The following SMUG1 variants were observed in gnomAD, a reference collection of about 807,000 sequenced individuals.
SMUG1 encodes single-strand selective monofunctional uracil DNA glycosylase.
SMUG1 carries 13 observed loss-of-function variants against 23.9 expected under a neutral mutation model. The observed-to-expected ratio is 0.54, with a 90% CI of 0.35 to 0.86. The LOEUF is 0.86. Among genes scored for constraint, SMUG1 ranks in the 40% least tolerant of loss-of-function variants. The probability of loss-of-function intolerance (pLI) is 0.01; values close to 1 mark genes in which losing one functional copy is unlikely to be tolerated. For missense variants in SMUG1, 313 were observed against 339.5 expected (o/e 0.92, Z 0.61); for synonymous variants, 133 against 139.8 (o/e 0.95, Z 0.34).
chr12:54,164,562 CT>C (rs1940380922), downstream of SMUG1: 1 of 152,558 alleles, frequency 6.6e-6, no homozygotes, highest in Admixed American at 6.5e-5. Context: ...TGGCTTCCCC[CT>C]GGCCTCCCTC....
chr12:54,175,595 T>C (rs963002531), downstream of SMUG1, among the ~76,000 whole-genome samples: 3 of 152,126 alleles, frequency 2.0e-5, no homozygotes, highest in African/African-American at 7.2e-5. Context: ...CACACACACC[T>C]CCTCCCCAGA....
intron 2 of SMUG1, among the ~76,000 whole-genome samples, chr12:54,186,576 A>G (rs968232902): frequency 6.6e-6 from 1 of 151,772 alleles, no homozygotes; most frequent in African/African-American, 2.4e-5. Flanking sequence ...TCCTGACCTC[A>G]TGATCTGCCT....
chr12:54,184,129 T>C, intron 2 of SMUG1, 170 bp from the exon 3 acceptor site: 1 of 496,816 alleles, frequency 2.0e-6, no homozygotes, highest in Non-Finnish European at 3.5e-6. Context: ...CAGTTCTTGG[T>C]AATGAAGGGC....
chr12:54,174,609 C>T (rs1349142359), intron 2 of SMUG1, among the ~76,000 whole-genome samples: 2 of 152,182 alleles, frequency 1.3e-5, no homozygotes, highest in African/African-American at 2.4e-5. Flanking sequence ...TCCTAACCAG[C>T]GGACAGGAAA....
Position 54,171,823 on chromosome 12 carries a change from T to C in SMUG1, c.*52+202A>G, listed in dbSNP as rs115919940. Among the ~76,000 whole-genome samples the C allele has an allele frequency of 4.5e-3, 679 of 152,226 alleles. 8 individuals carry two copies. The highest frequency in any genetic ancestry group is 0.016 in the African/African-American group (649 of 41,562). On this transcript the variant is annotated intron_variant and NMD_transcript_variant, in intron 3 of 4. Transcript: ENST00000509864. Reference sequence around the variant, plus strand: ...CTACTCCCAAAACCAGCTCCTCCTGTGGTATTTCCCCATATCAGTTGATGG... The same window carrying C: ...CTACTCCCAAAACCAGCTCCTCCTGCGGTATTTCCCCATATCAGTTGATGG...
intron 3 of SMUG1, chr12:54,182,829 C>T: frequency 9.5e-7 from 1 of 1,052,916 alleles, no homozygotes. Flanking sequence ...GAACCGTGGT[C>T]CAGAAGAATT....
chr12:54,170,254 C>T (rs371310377), intron 3 of SMUG1, among the ~76,000 whole-genome samples: 1 of 151,920 alleles, frequency 6.6e-6, no homozygotes, highest in Non-Finnish European at 1.5e-5. Flanking sequence ...GTTTCCCTAG[C>T]GGCAAAGCAG....
At chr12:54,180,120 C>T (rs1006219224), downstream of SMUG1, among the ~76,000 whole-genome samples, 6 of 151,944 alleles carry the variant, frequency 3.9e-5, no homozygotes, top group Non-Finnish European at 5.9e-5. Context: ...CTGGTATCAT[C>T]CAGCTCAAAG....
chr12:54,186,414 C>T (rs1037247971), intron 2 of SMUG1, among the ~76,000 whole-genome samples: 1 of 151,810 alleles, frequency 6.6e-6, no homozygotes, highest in African/African-American at 2.4e-5. Flanking sequence ...GCGATCTCAG[C>T]TCACTGCAAC....
intron 3 of SMUG1, among the ~76,000 whole-genome samples, chr12:54,169,283 A>G (rs1274302964): frequency 6.6e-6 from 1 of 152,202 alleles, no homozygotes; most frequent in Non-Finnish European, 1.5e-5. Context: ...CATGGTCAGC[A>G]GCAGAGGCAA....
chr12:54,177,765 C>T (rs1200423679), downstream of SMUG1, among the ~76,000 whole-genome samples: 12 of 152,032 alleles, frequency 7.9e-5, no homozygotes, highest in Admixed American at 7.9e-4. Context: ...TAAGTCTGAT[C>T]AGCTACCTAA....
chr12:54,176,762 G>A (rs1416041966), downstream of SMUG1, among the ~76,000 whole-genome samples: 6 of 144,106 alleles, frequency 4.2e-5, no homozygotes, highest in African/African-American at 1.3e-4. Flanking sequence ...AGCCGAGATC[G>A]CGCCACTGCA....
intron 3 of SMUG1, chr12:54,183,318 G>A (rs1437723251): frequency 4.4e-6 from 2 of 454,266 alleles, no homozygotes; most frequent in African/African-American, 4.0e-5. Flanking sequence ...TGAGGACCCA[G>A]CAGTCCTAGT....
chr12:54,179,343 GTTCTCT>G (rs1940830744), downstream of SMUG1, among the ~76,000 whole-genome samples: 1 of 152,144 alleles, frequency 6.6e-6, no homozygotes, highest in Non-Finnish European at 1.5e-5. Context: ...TAACAGTGCT[GTTCTCT>G]AAGTTATCCA....
downstream of SMUG1, among the ~76,000 whole-genome samples, chr12:54,160,883 C>T (rs903674089): frequency 6.6e-6 from 1 of 152,270 alleles, no homozygotes; most frequent in African/African-American, 2.4e-5. Flanking sequence ...CTGCCTTGTG[C>T]TTTTTCAACC....
chr12:54,180,958 A>G lies in SMUG1; in HGVS notation c.*1138T>C, dbSNP rs1272296979. On this transcript the variant is annotated 3_prime_UTR_variant, in exon 4 of 4. Coordinates refer to ENST00000682136, the MANE Select transcript of SMUG1 (RefSeq NM_001243787.2). ...AACTGAGACCATGCCACTGCACTCC[A>G]GCCTGGGCAACAGCATGAGACTCCA... 2 of 151,360 alleles carry G rather than the reference A, an allele frequency of 1.3e-5. No individual in the cohort carries two copies. Among genetic ancestry groups the G allele is most frequent in the Non-Finnish European group, 2.9e-5 (2 of 68,090 alleles). 9.4% of individuals were successfully genotyped at this position (151,360 alleles called of 1,614,324 possible).
chr12:54,176,507 T>TCCACC (rs1555199081), downstream of SMUG1, among the ~76,000 whole-genome samples: 2 of 64,396 alleles, frequency 3.1e-5, no homozygotes, highest in Non-Finnish European at 6.0e-5. Flanking sequence ...GAAGATCCTG[T>TCCACC]CCCCCCCCAA....
chr12:54,185,467 CAAAAA>C lies in SMUG1; in HGVS notation c.-19-1513_-19-1509del, dbSNP rs1306022832. 5.0e-3 allele frequency among the ~76,000 whole-genome samples: 427 copies of C among 84,846 alleles called. 14 individuals are homozygous for C. The highest frequency in any genetic ancestry group is 0.016 in the African/African-American group (409 of 25,730). The allele number at this position is 84,846 out of a possible 152,430, so 55.7% of individuals were successfully genotyped here. On this transcript the variant is annotated intron_variant, in intron 2 of 3. Coordinates refer to ENST00000682136, the MANE Select transcript of SMUG1 (RefSeq NM_001243787.2). ...TGGGCAAAAGAGCAAGACTCCATCT[CAAAAA>C]AAAATAAAATAAAAAATAAATAAAT...
At chr12:54,176,469 C>G (rs1592357311), downstream of SMUG1, among the ~76,000 whole-genome samples, 1 of 145,362 alleles carries the variant, frequency 6.9e-6, no homozygotes, top group East Asian at 2.0e-4. Flanking sequence ...CATGATCATG[C>G]CACTGCACTC....
Sources: gnomAD v4.1 joint callset for allele counts (sites outside exome capture counted in the v4.1 genomes callset) on GRCh38, gnomAD v4.1.1 for gene constraint, MANE v1.5 for transcripts, NCBI Gene and HGNC (gene_info 2026-07-23, HGNC 2026-07-21) for gene names.